Variants in RABGAP1 observed in about 807,000 individuals in gnomAD.
RABGAP1 encodes the protein RAB GTPase activating protein 1, also known as rab GTPase-activating protein 1.
RABGAP1 carries 23 observed loss-of-function variants against 137.6 expected under a neutral mutation model. That is an observed-to-expected ratio of 0.17 (90% CI 0.12 to 0.24). The LOEUF (loss-of-function observed/expected upper bound fraction) is 0.24, where lower values mean the gene tolerates loss of function less well. Ranked by LOEUF, RABGAP1 falls within the 10% of genes least tolerant of loss-of-function variation. The pLI, the probability that RABGAP1 is intolerant of heterozygous loss-of-function variation, is 1.00. For missense variants in RABGAP1, 906 were observed against 1,275.8 expected, an observed-to-expected ratio of 0.71 and a Z score of 4.42; for synonymous variants, 451 against 450.7, an observed-to-expected ratio of 1.00 and a Z score of -0.01.
At chr9:123,100,427 G>C (rs1207930778) in intron 24 of RABGAP1, among the ~76,000 whole-genome samples, 1 of 142,472 alleles carries the variant, frequency 7.0e-6, no homozygotes, top group Non-Finnish European at 1.6e-5. Context: ...GTGTGTGTGT[G>C]TGTGTGTGTG....
chr9:123,002,193 T>TG (rs900919166), intron 10 of RABGAP1, among the ~76,000 whole-genome samples: 11 of 151,624 alleles, frequency 7.3e-5, no homozygotes, highest in African/African-American at 2.2e-4. Flanking sequence ...CCCAGCTACT[T>TG]GGGAGGCTGA....
At chr9:122,959,953 A>G (rs930963787) in intron 2 of RABGAP1, among the ~76,000 whole-genome samples, 2 of 152,216 alleles carry the variant, frequency 1.3e-5, no homozygotes, top group African/African-American at 4.8e-5. Context: ...CCAGCTCCAA[A>G]GCCATGTCTC....
At chr9:122,940,564 G>A (rs1369543906), upstream of RABGAP1, among the ~76,000 whole-genome samples, 2 of 152,166 alleles carry the variant, frequency 1.3e-5, no homozygotes, top group East Asian at 3.9e-4. Flanking sequence ...CTGACACACC[G>A]TGCGCCCTCA....
intron 2 of RABGAP1, among the ~76,000 whole-genome samples, chr9:122,980,847 A>G (rs775789205): frequency 3.1e-4 from 47 of 152,172 alleles, no homozygotes; most frequent in Admixed American, 1.8e-3. Context: ...GGGCCCATGT[A>G]CAGAGGTTTT....
chr9:122,984,616 G>C lies in RABGAP1; in HGVS notation c.282G>C (p.Gly94=), dbSNP rs943420122. The C allele has an allele frequency of 1.9e-6, 3 of 1,614,042 alleles. No homozygotes were observed. Among genetic ancestry groups the C allele is most frequent in the Non-Finnish European group, 1.7e-6 (2 of 1,180,034 alleles). ...CACAACTGGATGGTGAAGGAGATGG[G>C]CCTCTTTCTAATCAGCTCTCCGCTT... ...KRSQLDGEGD[G]PLSNQLSASS... Residue 94 remains glycine, a synonymous_variant, in exon 3 of 26, where the codon GGG becomes GGC. Transcript: ENST00000373647.
At chr9:122,961,982 T>A (rs979299279) in intron 2 of RABGAP1, among the ~76,000 whole-genome samples, 2 of 152,116 alleles carry the variant, frequency 1.3e-5, no homozygotes, top group African/African-American at 4.8e-5. Context: ...AAGCTGTAAA[T>A]GTACATTGGT....
chr9:123,035,765 C>T (rs971755715), intron 13 of RABGAP1: 6 of 547,146 alleles, frequency 1.1e-5, no homozygotes, highest in East Asian at 2.9e-5. Flanking sequence ...ACAAATTATT[C>T]GTATGGATAC....
At chr9:122,990,831 A>ATATATG (rs1195915624) in intron 6 of RABGAP1, 1 of 123,224 alleles carries the variant, frequency 8.1e-6, no homozygotes, top group Non-Finnish European at 1.6e-5. Context: ...ATATATATAT[A>ATATATG]TATATGGCCA....
chr9:122,996,382 C>G lies in RABGAP1; in HGVS notation c.1035-157C>G, dbSNP rs563623862. On this transcript the variant is annotated intron_variant, in intron 7 of 25. Transcript: ENST00000373647. ...TAAAAGGCAAACGGAATTAGCTGAC[C>G]TTGAAGGAAGGATTATTATTTTAGC... is the stretch of plus-strand genomic sequence containing the variant. 3.7e-6 allele frequency: 4 copies of G among 1,072,996 alleles called. No individual in the cohort carries two copies. In the South Asian group the frequency reaches 5.4e-5, roughly 14 times the overall value. 66.5% of individuals were successfully genotyped at this position (1,072,996 alleles called of 1,614,324 possible). A position where few individuals can be genotyped will look rare whatever the true frequency, so the allele number is the denominator to read the frequency against.
chr9:122,977,726 A>G (rs1036298565), intron 2 of RABGAP1, among the ~76,000 whole-genome samples: 1 of 152,136 alleles, frequency 6.6e-6, no homozygotes, highest in Non-Finnish European at 1.5e-5. Flanking sequence ...AAAAAAAAGC[A>G]GGAAGAGGAT....
At chr9:122,970,978 G>A (rs1017503011) in intron 2 of RABGAP1, among the ~76,000 whole-genome samples, 1 of 152,162 alleles carries the variant, frequency 6.6e-6, no homozygotes, top group African/African-American at 2.4e-5. Flanking sequence ...ATACATATGG[G>A]CTGACATTTG....
intron 11 of RABGAP1, among the ~76,000 whole-genome samples, chr9:123,011,287 G>T (rs2030782822): frequency 6.6e-6 from 1 of 152,052 alleles, no homozygotes; most frequent in Non-Finnish European, 1.5e-5. Flanking sequence ...AATGTTGTGG[G>T]GCATCATAAA....
intron 11 of RABGAP1, among the ~76,000 whole-genome samples, chr9:123,013,225 T>C (rs1343575847): frequency 6.6e-6 from 1 of 152,188 alleles, no homozygotes; most frequent in Non-Finnish European, 1.5e-5. Flanking sequence ...AAGAGTTGTA[T>C]TTGGTATATT....
intron 1 of RABGAP1, among the ~76,000 whole-genome samples, chr9:122,943,721 A>G (rs1056402489): frequency 1.6e-4 from 25 of 152,168 alleles, no homozygotes; most frequent in Non-Finnish European, 1.5e-5. Flanking sequence ...TGGGAGGCCA[A>G]GGCAGGCGGA....
At chr9:122,982,621 A>T (rs138260011) in intron 2 of RABGAP1, among the ~76,000 whole-genome samples, 2 of 152,166 alleles carry the variant, frequency 1.3e-5, no homozygotes, top group African/African-American at 4.8e-5. Context: ...CCTTGGAAAA[A>T]TTAGTTTAGG....
Position 123,079,080 on chromosome 9 carries a change from G to A in RABGAP1, c.2424+2318G>A, listed in dbSNP as rs2034615680. 2.0e-5 allele frequency among the ~76,000 whole-genome samples: 3 copies of A among 152,154 alleles called. No individual in the cohort carries two copies. In the South Asian group the frequency reaches 6.2e-4, roughly 32 times the overall value. On this transcript the variant is annotated intron_variant, in intron 19 of 25. Transcript: ENST00000373647. The stretch of plus-strand genomic sequence containing the variant: ...TACGGATTTTCCTCACTGAGATATT[G>A]TGTGTAAATAATCAGTTGTAAATGG...
chr9:122,973,779 G>T (rs1381537165), intron 2 of RABGAP1, among the ~76,000 whole-genome samples: 1 of 151,882 alleles, frequency 6.6e-6, no homozygotes, highest in African/African-American at 2.4e-5. Context: ...GGAGGCCGAG[G>T]CGGGCAGATC....
intron 15 of RABGAP1, among the ~76,000 whole-genome samples, chr9:123,072,588 C>A (rs1365030298): frequency 1.3e-5 from 2 of 152,172 alleles, no homozygotes; most frequent in Non-Finnish European, 2.9e-5. Flanking sequence ...GCATCAGAAT[C>A]ACCACTGTGG....
intron 1 of RABGAP1, among the ~76,000 whole-genome samples, chr9:122,946,707 C>T (rs897469080): frequency 6.6e-6 from 1 of 152,078 alleles, no homozygotes; most frequent in African/African-American, 2.4e-5. Context: ...TGGCATTAAG[C>T]CAGCATATGT....
Sources: gnomAD v4.1 joint callset for allele counts (sites outside exome capture counted in the v4.1 genomes callset) on GRCh38, gnomAD v4.1.1 for gene constraint, MANE v1.5 for transcripts, NCBI Gene and HGNC (gene_info 2026-07-23, HGNC 2026-07-21) for gene names.